PDE4D: variants seen among roughly 807,000 people sequenced by gnomAD.
PDE4D encodes phosphodiesterase 4D.
A neutral mutation model predicts 87.4 loss-of-function variants in PDE4D; 24 were observed. That is an observed-to-expected ratio of 0.27 (90% CI 0.20 to 0.39). The LOEUF (loss-of-function observed/expected upper bound fraction) is 0.39. Among genes scored for constraint, PDE4D ranks in the 10% least tolerant of loss-of-function variants. The pLI is 1.00. For missense variants in PDE4D, 714 were observed against 1,041.0 expected, an observed-to-expected ratio of 0.69 and a Z score of 4.32; for synonymous variants, 384 against 383.2, an observed-to-expected ratio of 1.00 and a Z score of -0.02.
intron 1 of PDE4D, among the ~76,000 whole-genome samples, chr5:59,501,604 T>C (rs1457204902): frequency 6.6e-6 from 1 of 152,026 alleles, no homozygotes; most frequent in East Asian, 1.9e-4. Flanking sequence ...AAATAGACTT[T>C]CCAGACAGAA....
intron 1 of PDE4D, chr5:59,276,097 A>G (rs1401524874): frequency 3.8e-5 from 37 of 979,316 alleles, no homozygotes; most frequent in Non-Finnish European, 4.5e-5. Flanking sequence ...AAGGCAGTTC[A>G]AAACACCGCA....
intron 1 of PDE4D, among the ~76,000 whole-genome samples, chr5:59,264,843 C>T (rs1762600974): frequency 1.3e-5 from 2 of 152,000 alleles, no homozygotes; most frequent in African/African-American, 4.8e-5. Context: ...TCAGCTCATC[C>T]TAACACTTCA....
At chr5:60,321,675 A>G (rs765084601) in intron 1 of PDE4D, among the ~76,000 whole-genome samples, 83 of 152,244 alleles carry the variant, frequency 5.5e-4, no homozygotes, top group Non-Finnish European at 9.4e-4. Flanking sequence ...TCCAGCATCT[A>G]TAAGGAACTT....
chr5:59,420,762 T>G (rs1794352180), intron 1 of PDE4D, among the ~76,000 whole-genome samples: 2 of 151,790 alleles, frequency 1.3e-5, no homozygotes, highest in Admixed American at 1.3e-4. Context: ...ATTCACAGTG[T>G]TCTTGCTATA....
intron 2 of PDE4D, among the ~76,000 whole-genome samples, chr5:60,134,218 T>C (rs527326211): frequency 1.3e-5 from 2 of 152,322 alleles, no homozygotes; most frequent in African/African-American, 4.8e-5. Flanking sequence ...TTATACAGGC[T>C]GAGTGTGGTA....
At chr5:60,378,209 T>C (rs6882049) in intron 1 of PDE4D, among the ~76,000 whole-genome samples, 4,156 of 152,320 alleles carry the variant, frequency 0.027, 91 homozygotes, top group Middle Eastern at 0.078. Context: ...GAATATTTCA[T>C]GGTGACATGA....
intron 1 of PDE4D, among the ~76,000 whole-genome samples, chr5:60,320,692 A>G (rs969421627): frequency 6.6e-6 from 1 of 152,192 alleles, no homozygotes; most frequent in Non-Finnish European, 1.5e-5. Context: ...AGATCTGATA[A>G]ACAACTTCAG....
Position 59,824,185 on chromosome 5 carries a change from A to G in PDE4D, c.455+68983T>C, listed in dbSNP as rs201147846. The stretch of plus-strand genomic sequence containing the variant: ...TGTGTATTTTATTTTACCTAATACA[A>G]TCAACAACTATCACTTTGATGTGTA... On this transcript the variant is annotated intron_variant, in intron 1 of 14. Coordinates refer to ENST00000340635, the MANE Select transcript of PDE4D (RefSeq NM_001104631.2). Among the ~76,000 whole-genome samples, 10 of 152,306 alleles carry G rather than the reference A, an allele frequency of 6.6e-5. No individual in the cohort carries two copies. In the East Asian group the frequency reaches 1.9e-3, roughly 29 times the overall value.
At chr5:60,029,466 G>A (rs1005223071) in intron 2 of PDE4D, among the ~76,000 whole-genome samples, 7 of 152,046 alleles carry the variant, frequency 4.6e-5, no homozygotes, top group African/African-American at 1.2e-4. Context: ...AAGTTGTCCC[G>A]CCTTTCCAGA....
At chr5:60,081,410 G>T (rs899993675) in intron 2 of PDE4D, among the ~76,000 whole-genome samples, 4 of 150,144 alleles carry the variant, frequency 2.7e-5, no homozygotes, top group African/African-American at 9.8e-5. Context: ...TCTGATCTTA[G>T]TTATTTCTTG....
intron 1 of PDE4D, among the ~76,000 whole-genome samples, chr5:59,655,146 A>G (rs961065579): frequency 6.7e-6 from 1 of 148,998 alleles, no homozygotes; most frequent in Non-Finnish European, 1.5e-5. Context: ...GCCATATATT[A>G]AAAAAAAAAT....
rs368587062 is a variant in PDE4D at position 58,990,910 on chromosome 5, G to GA, written c.1189-9dup. The GA allele has an allele frequency of 0.11, 111,886 of 1,050,490 alleles. 702 individuals are homozygous for GA. Among genetic ancestry groups the GA allele is most frequent in the Non-Finnish European group, 0.11 (84,512 of 744,320 alleles). 65.1% of individuals were successfully genotyped at this position (1,050,490 alleles called of 1,614,324 possible). On this transcript the variant is annotated splice_polypyrimidine_tract_variant and intron_variant, in intron 8 of 14. Coordinates refer to ENST00000340635, the MANE Select transcript of PDE4D (RefSeq NM_001104631.2). ...GTTCACATCTTCTAGTTCCTGGAGTGAAAAAAAAAAAAAGATACTAAAATA... is the reference window on the plus strand; with the variant it reads ...GTTCACATCTTCTAGTTCCTGGAGTGAAAAAAAAAAAAAAGATACTAAAATA...
chr5:59,085,560 T>C (rs928362060), intron 5 of PDE4D, among the ~76,000 whole-genome samples: 4 of 152,166 alleles, frequency 2.6e-5, no homozygotes, highest in African/African-American at 9.7e-5. Flanking sequence ...AACTACCCTC[T>C]TGAGAGAGTC....
At chr5:60,424,072 G>A (rs1040469492) in intron 1 of PDE4D, among the ~76,000 whole-genome samples, 3 of 152,152 alleles carry the variant, frequency 2.0e-5, no homozygotes, top group Admixed American at 6.5e-5. Flanking sequence ...AAAAGTCCAG[G>A]ACCCGATGGA....
chr5:59,433,416 A>G (rs1433495835), intron 1 of PDE4D, among the ~76,000 whole-genome samples: 2 of 152,068 alleles, frequency 1.3e-5, no homozygotes, highest in Non-Finnish European at 2.9e-5. Flanking sequence ...GCCTGCCAAG[A>G]ATTCAGAGTC....
At chr5:59,569,896 C>T (rs973223360) in intron 1 of PDE4D, among the ~76,000 whole-genome samples, 2 of 152,190 alleles carry the variant, frequency 1.3e-5, no homozygotes, top group Non-Finnish European at 2.9e-5. Context: ...CAAGTGCATT[C>T]ATTACCTCTT....
chr5:59,380,278 C>A (rs994359540), intron 1 of PDE4D, among the ~76,000 whole-genome samples: 1 of 147,998 alleles, frequency 6.8e-6, no homozygotes, highest in East Asian at 2.0e-4. Context: ...GGACTCACCA[C>A]ATGAAAATTA....
intron 1 of PDE4D, among the ~76,000 whole-genome samples, chr5:59,502,139 A>G (rs1346929150): frequency 2.6e-5 from 4 of 152,142 alleles, no homozygotes; most frequent in Non-Finnish European, 5.9e-5. Flanking sequence ...CATTACTCTT[A>G]GAAGAGAGTA....
intron 2 of PDE4D, among the ~76,000 whole-genome samples, chr5:60,184,936 C>T (rs527444947): frequency 9.9e-5 from 15 of 152,220 alleles, no homozygotes; most frequent in African/African-American, 3.1e-4. Context: ...GTGTGGCTTT[C>T]TTTGAGTTGC....
Sources: gnomAD v4.1 joint callset for allele counts (sites outside exome capture counted in the v4.1 genomes callset) on GRCh38, gnomAD v4.1.1 for gene constraint, MANE v1.5 for transcripts, NCBI Gene and HGNC (gene_info 2026-07-23, HGNC 2026-07-21) for gene names.